The following DPYD variants were observed in gnomAD, a reference collection of about 807,000 sequenced individuals.
DPYD encodes dihydropyrimidine dehydrogenase, also known as dihydropyrimidine dehydrogenase [NADP(+)].
A neutral mutation model predicts 116.2 loss-of-function variants in DPYD; 109 were observed. The ratio of observed to expected loss-of-function variants is 0.94; its 90% confidence interval spans 0.80 to 1.10. DPYD has a LOEUF of 1.10. Ranked by LOEUF, DPYD falls within the 50% of genes least tolerant of loss-of-function variation. DPYD has a pLI of 0.00. For missense variants in DPYD, 1,302 were observed against 1,254.5 expected (o/e 1.04, Z -0.57); for synonymous variants, 440 against 432.0 (o/e 1.02, Z -0.23).
At chr1:97,882,206 G>A (rs1326561922) in intron 2 of DPYD, among the ~76,000 whole-genome samples, 1 of 151,762 alleles carries the variant, frequency 6.6e-6, no homozygotes, top group Non-Finnish European at 1.5e-5. Context: ...CCCAAAACTG[G>A]AACAAGAAAA....
intron 7 of DPYD, among the ~76,000 whole-genome samples, chr1:97,681,678 CTTTAA>C (rs1035239851): frequency 5.9e-5 from 9 of 151,978 alleles, no homozygotes; most frequent in African/African-American, 1.9e-4. Context: ...GGCTTTAGAA[CTTTAA>C]TTTATTCTAA....
Position 97,464,343 on chromosome 1 carries a change from G to A in DPYD, c.1741-14120C>T, listed in dbSNP as rs189477087. On this transcript the variant is annotated intron_variant, in intron 13 of 22. Coordinates refer to ENST00000370192, the MANE Select transcript of DPYD (RefSeq NM_000110.4). ...AAAAAAGAAAATCCCGTTTTCTGAG[G>A]AGAAATTCAAGCTGACTGCAGAAAT... 1.1e-4 allele frequency among the ~76,000 whole-genome samples: 16 copies of A among 152,236 alleles called. 4 individuals are homozygous for A. The highest frequency in any genetic ancestry group is 3.9e-4 in the African/African-American group (16 of 41,540).
chr1:97,298,568 G>A (rs1265984659), intron 18 of DPYD, among the ~76,000 whole-genome samples: 3 of 150,132 alleles, frequency 2.0e-5, no homozygotes, highest in African/African-American at 7.6e-5. Flanking sequence ...TATGTAATCA[G>A]ACATTTGCTT....
chr1:97,215,605 T>C (rs540613681), intron 19 of DPYD, among the ~76,000 whole-genome samples: 2 of 152,176 alleles, frequency 1.3e-5, no homozygotes, highest in African/African-American at 2.4e-5. Flanking sequence ...ATACCTTTCC[T>C]TGTAGTAGAG....
In DPYD at chr1:97,144,608, G is replaced by C. The variant is rs186489792; in HGVS notation, c.2623-45976C>G. On this transcript the variant is annotated intron_variant, in intron 20 of 22. Transcript: ENST00000370192. ...TACAATAAATAGATTAAAATCAACA[G>C]AGAAAAGCTTCAAAAAGTGACAGGG... is the stretch of plus-strand genomic sequence containing the variant. 9.9e-5 allele frequency among the ~76,000 whole-genome samples: 15 copies of C among 152,240 alleles called. No individual in the cohort carries two copies. The East Asian group carries it at 2.9e-3, about 29-fold the overall frequency.
At chr1:97,289,881 A>T (rs548744606) in intron 18 of DPYD, among the ~76,000 whole-genome samples, 1 of 151,724 alleles carries the variant, frequency 6.6e-6, no homozygotes, top group Non-Finnish European at 1.5e-5. Flanking sequence ...TCAATTAGGA[A>T]AAGAGGAAGT....
chr1:97,346,026 T>C (rs1360658068), intron 16 of DPYD, among the ~76,000 whole-genome samples: 1 of 151,820 alleles, frequency 6.6e-6, no homozygotes, highest in Non-Finnish European at 1.5e-5. Flanking sequence ...TTATTTCTCA[T>C]TCCTTTGCTT....
At chr1:97,157,774 C>T (rs569627309) in intron 20 of DPYD, among the ~76,000 whole-genome samples, 2 of 152,202 alleles carry the variant, frequency 1.3e-5, no homozygotes, top group East Asian at 3.9e-4. Flanking sequence ...ACCGACATTC[C>T]CATACCTGTA....
At chr1:97,908,954 A>C (rs10735795) in intron 1 of DPYD, among the ~76,000 whole-genome samples, 148,462 of 152,218 alleles carry the variant, frequency 0.98, 72,523 homozygotes, top group Middle Eastern at 1. Flanking sequence ...TTTACATCTT[A>C]TTTGCCTGAA....
At chr1:97,166,100 A>T (rs1557905840) in intron 20 of DPYD, among the ~76,000 whole-genome samples, 1 of 152,204 alleles carries the variant, frequency 6.6e-6, no homozygotes, top group Non-Finnish European at 1.5e-5. Context: ...AATATAAATT[A>T]TTCTACCTAC....
chr1:97,461,437 T>C (rs2101824346), intron 13 of DPYD, among the ~76,000 whole-genome samples: 1 of 152,232 alleles, frequency 6.6e-6, no homozygotes, highest in South Asian at 2.1e-4. Flanking sequence ...CAAACTCATA[T>C]TAAAGTCATT....
intron 18 of DPYD, among the ~76,000 whole-genome samples, chr1:97,245,233 C>G (rs887091866): frequency 2.0e-5 from 3 of 151,978 alleles, no homozygotes; most frequent in African/African-American, 7.2e-5. Context: ...GTAAGAAAGG[C>G]AGGGCCGTGT....
At chr1:97,750,836 C>T (rs1293894397) in intron 3 of DPYD, among the ~76,000 whole-genome samples, 1 of 152,102 alleles carries the variant, frequency 6.6e-6, no homozygotes, top group African/African-American at 2.4e-5. Context: ...GGAGGGCCAA[C>T]TGAGGGACTT....
At chr1:97,243,949 C>A (rs1662545771) in intron 18 of DPYD, among the ~76,000 whole-genome samples, 1 of 151,858 alleles carries the variant, frequency 6.6e-6, no homozygotes, top group Non-Finnish European at 1.5e-5. Flanking sequence ...AAGACAATTA[C>A]AGAAGCAAAG....
At chr1:97,475,919 A>T (rs1677935540) in intron 13 of DPYD, among the ~76,000 whole-genome samples, 2 of 152,230 alleles carry the variant, frequency 1.3e-5, no homozygotes, top group Admixed American at 1.3e-4. Context: ...TACTCACTGG[A>T]TACCTATACA....
chr1:97,567,740 T>C (rs1194559344), intron 11 of DPYD, among the ~76,000 whole-genome samples: 3 of 152,130 alleles, frequency 2.0e-5, no homozygotes, highest in Non-Finnish European at 4.4e-5. Context: ...TGTCTTAAAA[T>C]ACAAATGAAT....
At chr1:97,459,805 A>G (rs562428272) in intron 13 of DPYD, among the ~76,000 whole-genome samples, 2 of 152,316 alleles carry the variant, frequency 1.3e-5, no homozygotes, top group East Asian at 3.9e-4. Context: ...TTGAACAATA[A>G]CAAGAAAAAA....
intron 20 of DPYD, among the ~76,000 whole-genome samples, chr1:97,124,514 T>G (rs1196948593): frequency 2.0e-5 from 3 of 152,150 alleles, no homozygotes; most frequent in African/African-American, 7.2e-5. Flanking sequence ...TAGGTCAGTG[T>G]CCACATAATA....
chr1:97,211,247 T>A (rs980788113), intron 19 of DPYD, among the ~76,000 whole-genome samples: 3 of 152,168 alleles, frequency 2.0e-5, no homozygotes, highest in African/African-American at 7.2e-5. Context: ...TCTCCATACT[T>A]TCCCATAGCT....
Sources: allele counts gnomAD v4.1 joint callset (sites outside exome capture counted in the v4.1 genomes callset), GRCh38; gene constraint gnomAD v4.1.1; transcripts MANE v1.5; gene names NCBI Gene and HGNC (gene_info 2026-07-23, HGNC 2026-07-21).